RPS6KA2: variants seen among roughly 807,000 people sequenced by gnomAD.
RPS6KA2 encodes ribosomal protein S6 kinase A2.
RPS6KA2 carries 42 observed loss-of-function variants against 91.8 expected under a neutral mutation model. The observed-to-expected ratio is 0.46, with a 90% CI of 0.36 to 0.59. The LOEUF (loss-of-function observed/expected upper bound fraction) is 0.59, where lower values mean the gene tolerates loss of function less well. RPS6KA2 is among the 20% of genes least tolerant of loss of function. The pLI is 0.00. For synonymous variants in RPS6KA2, 414 were observed against 393.6 expected (o/e 1.05, Z -0.61); for missense variants, 798 against 978.5 (o/e 0.82, Z 2.46).
chr6:166,796,600 A>G (rs1174707878), intron 2 of RPS6KA2, among the ~76,000 whole-genome samples: 3 of 152,184 alleles, frequency 2.0e-5, no homozygotes, highest in South Asian at 4.1e-4. Context: ...AAAAACAACA[A>G]CAACAACAAA....
At chr6:166,510,435 T>C (rs1782423173) in intron 3 of RPS6KA2, 78 bp from the exon 4 acceptor site, 5 of 882,390 alleles carry the variant, frequency 5.7e-6, no homozygotes, top group Non-Finnish European at 6.9e-6. Context: ...AAATACTAGA[T>C]ATAATTCCCG....
rs1358384075 is a variant in RPS6KA2, at chr6:166,612,287, GA to G, written c.99+14633del. Among the ~76,000 whole-genome samples, 5 of 152,114 alleles carry G rather than the reference GA, an allele frequency of 3.3e-5. No individual in the cohort carries two copies. The highest frequency in any genetic ancestry group is 5.9e-5 in the Non-Finnish European group (4 of 68,016). On this transcript the variant is annotated intron_variant, in intron 1 of 20. Transcript: ENST00000265678. The surrounding 1 kb of genome is among the most constrained non-coding windows in gnomAD (Gnocchi z 4.3). ...GTGTGTGATGTGGGCAGGTGTGATG[GA>G]AGAAAAGAGACTGGGACTTGTCCTT...
At chr6:166,710,949 C>T (rs147016276) in intron 2 of RPS6KA2, among the ~76,000 whole-genome samples, 1 of 152,188 alleles carries the variant, frequency 6.6e-6, no homozygotes, top group South Asian at 2.1e-4. Flanking sequence ...ATGATAACTG[C>T]TCTACTTTAG....
At chr6:166,625,101 G>C (rs1054599155) in intron 1 of RPS6KA2, among the ~76,000 whole-genome samples, 1 of 152,098 alleles carries the variant, frequency 6.6e-6, no homozygotes, top group Non-Finnish European at 1.5e-5. Flanking sequence ...CAAAGGGCTG[G>C]CATTACAGGC....
chr6:166,825,686 T>G lies in RPS6KA2; in HGVS notation c.123+32514A>C, dbSNP rs1251654844. Among the ~76,000 whole-genome samples the G allele has an allele frequency of 6.6e-6, 1 of 152,168 alleles. No homozygotes were observed. Among genetic ancestry groups the G allele is most frequent in the African/African-American group, 2.4e-5 (1 of 41,454 alleles). Reference sequence around the variant, plus strand: ...TAGTACATAGACAGCAACTTCTCCCTGTGTCCCCGGTGGTGGAAGTGGTGA... The same window carrying G: ...TAGTACATAGACAGCAACTTCTCCCGGTGTCCCCGGTGGTGGAAGTGGTGA... On this transcript the variant is annotated intron_variant, in intron 2 of 21. Coordinates refer to the RPS6KA2 transcript ENST00000503859. The surrounding 1 kb of genome is among the most constrained non-coding windows in gnomAD (Gnocchi z 4.1).
At chr6:166,778,758 CTCTA>C (rs1342202425) in intron 2 of RPS6KA2, among the ~76,000 whole-genome samples, 2 of 152,112 alleles carry the variant, frequency 1.3e-5, no homozygotes, top group Non-Finnish European at 2.9e-5. Context: ...AAGAGTGAAA[CTCTA>C]TCAAAAAAAC....
chr6:166,809,059 T>C (rs1234083680), intron 2 of RPS6KA2, among the ~76,000 whole-genome samples: 1 of 152,070 alleles, frequency 6.6e-6, no homozygotes, highest in East Asian at 1.9e-4. Flanking sequence ...AGTAGAAAGC[T>C]CAGAGAGAGA....
chr6:166,425,257 A>T (rs938871164), intron 16 of RPS6KA2, among the ~76,000 whole-genome samples: 1 of 152,108 alleles, frequency 6.6e-6, no homozygotes, highest in Non-Finnish European at 1.5e-5. Context: ...TTTAAAATTT[A>T]AAAAATTTTA....
intron 10 of RPS6KA2, among the ~76,000 whole-genome samples, chr6:166,478,043 C>T (rs1032420761): frequency 2.6e-4 from 39 of 152,318 alleles, no homozygotes; most frequent in African/African-American, 9.1e-4. Flanking sequence ...TCCTTTCTGA[C>T]TCCAATTCGC....
intron 2 of RPS6KA2, among the ~76,000 whole-genome samples, chr6:166,535,586 C>T (rs1457919411): frequency 1.3e-5 from 2 of 152,220 alleles, no homozygotes; most frequent in African/African-American, 2.4e-5. Context: ...AATAGGGGAG[C>T]TCCAGGAGCA....
intron 2 of RPS6KA2, among the ~76,000 whole-genome samples, chr6:166,641,104 A>T (rs1455336856): frequency 6.6e-6 from 1 of 152,200 alleles, no homozygotes; most frequent in African/African-American, 2.4e-5. Context: ...AAGTACAATC[A>T]GGAGGAACAT....
At chr6:166,822,326 G>A (rs1583154804) in intron 2 of RPS6KA2, among the ~76,000 whole-genome samples, 1 of 152,210 alleles carries the variant, frequency 6.6e-6, no homozygotes, top group South Asian at 2.1e-4. Context: ...GGAACCCTAA[G>A]CCAATCTGAC....
intron 2 of RPS6KA2, among the ~76,000 whole-genome samples, chr6:166,831,936 AGATG>A (rs1415597900): frequency 6.6e-6 from 1 of 151,908 alleles, no homozygotes; most frequent in African/African-American, 2.4e-5. Context: ...GATAGATAAT[AGATG>A]GATGGATAGA....
At chr6:166,759,296 A>G (rs1778105453) in intron 2 of RPS6KA2, among the ~76,000 whole-genome samples, 1 of 152,176 alleles carries the variant, frequency 6.6e-6, no homozygotes, top group African/African-American at 2.4e-5. Context: ...CATTATATAC[A>G]CATTTTTTTC....
At chr6:166,689,206 C>T (rs903575581) in intron 2 of RPS6KA2, among the ~76,000 whole-genome samples, 1 of 152,234 alleles carries the variant, frequency 6.6e-6, no homozygotes, top group Non-Finnish European at 1.5e-5. Flanking sequence ...TGTGGATTTA[C>T]ACCACTTCTT....
At chr6:166,624,172 G>A (rs1005198230) in intron 1 of RPS6KA2, among the ~76,000 whole-genome samples, 4 of 152,096 alleles carry the variant, frequency 2.6e-5, no homozygotes, top group African/African-American at 9.7e-5. Context: ...TGAAGATATT[G>A]TTTTCAACTT....
chr6:166,574,811 T>C (rs1784792022), intron 1 of RPS6KA2, among the ~76,000 whole-genome samples: 1 of 152,152 alleles, frequency 6.6e-6, no homozygotes, highest in Non-Finnish European at 1.5e-5. Context: ...ATTCATCAGG[T>C]AGCTTGAAAA....
chr6:166,855,137 C>T (rs141748448), intron 2 of RPS6KA2, among the ~76,000 whole-genome samples: 378 of 152,190 alleles, frequency 2.5e-3, no homozygotes, highest in Non-Finnish European at 4.6e-3. Context: ...AATGAGCACA[C>T]GTGAACATAG....
rs1379922373 is a variant in RPS6KA2, at chr6:166,459,918, A to C, written c.973-367T>G. On this transcript the variant is annotated intron_variant, in intron 11 of 20. Transcript: ENST00000265678. This position sits in a 1 kb window ranked among gnomAD's most constrained non-coding sequence, Gnocchi z 4.9. ...CCAAGTAAAATCATACAGGACAGCC[A>C]CCACTTGCCCCCACTGGGGACAGCA... Among the ~76,000 whole-genome samples the C allele has an allele frequency of 1.3e-5, 2 of 152,332 alleles. No homozygotes were observed. The highest frequency in any genetic ancestry group is 3.4e-3 in the Middle Eastern group (1 of 294).
Sources: allele counts gnomAD v4.1 joint callset (sites outside exome capture counted in the v4.1 genomes callset), GRCh38; gene constraint gnomAD v4.1.1; non-coding constraint Gnocchi (gnomAD v3.1); transcripts MANE v1.5; gene names NCBI Gene and HGNC (gene_info 2026-07-23, HGNC 2026-07-21).